NEB: variants seen among roughly 807,000 people sequenced by gnomAD.
The protein encoded by NEB is nemaline myopathy type 2.
A neutral mutation model predicts 952.2 loss-of-function variants in NEB; 512 were observed. That is an observed-to-expected ratio of 0.54 (90% CI 0.50 to 0.58). NEB has a LOEUF of 0.58. NEB is among the 20% of genes least tolerant of loss of function. The pLI is 0.00. For synonymous variants in NEB, 2,900 were observed against 3,149.8 expected (o/e 0.92, Z 2.66); for missense variants, 8,428 against 9,231.1 (o/e 0.91, Z 3.56).
At chr2:151,489,856 T>C (rs944667720) in intron 181 of NEB, 115 bp downstream of exon 181, 84 of 642,858 alleles carry the variant, frequency 1.3e-4, no homozygotes, top group African/African-American at 1.3e-3. Flanking sequence ...TAAAAGAGCA[T>C]TATATAAAAT....
At chr2:151,513,787 C>T in intron 159 of NEB, 94 bp from the exon 160 acceptor site, 3 of 840,506 alleles carry the variant, frequency 3.6e-6, no homozygotes, top group Non-Finnish European at 5.8e-6. Context: ...TAACACGCCA[C>T]CCCAGTTGTC....
At position 151,677,955 on chromosome 2, in the gene NEB, T is replaced by C. The variant is rs199822924; in HGVS notation, c.3488A>G (p.His1163Arg). Residue 1163 changes from histidine to arginine, a missense_variant, in exon 33 of 182, where the codon CAT becomes CGT. Physicochemically the swap from His to Arg is conservative, Grantham distance 29. Around this residue, in one of 11 missense-constraint regions of NEB, gnomAD observed 2,851 missense variants for 2,791.5 expected, o/e 1.02. Transcript: ENST00000397345. ...QDVVSNVNYK[H>R]SLHHYTYLPD... ...CAAGTAGGTGTAATGATGGAGAGAA[T>C]GCTTATAGTTGACATTGCTGACCAC... The C allele has an allele frequency of 3.1e-6, 5 of 1,613,898 alleles. No individual in the cohort carries two copies. In the South Asian group the frequency reaches 5.5e-5, roughly 18 times the overall value.
At chr2:151,601,081 AT>A (rs1245779320) in intron 88 of NEB, among the ~76,000 whole-genome samples, 1 of 103,096 alleles carries the variant, frequency 9.7e-6, no homozygotes, top group Non-Finnish European at 1.9e-5. Flanking sequence ...CTTTGTTGAA[AT>A]TTTTTTTATT....
In NEB at chr2:151,671,175, T is replaced by C. The variant is rs751657802; in HGVS notation, c.4354A>G (p.Ile1452Val). The C allele has an allele frequency of 9.3e-6, 15 of 1,613,838 alleles. No individual in the cohort carries two copies. The highest frequency in any genetic ancestry group is 5.3e-5 in the African/African-American group (4 of 74,916). ...SFLKGIGWIPIGSLEVEKVKK... is the reference protein window; with the variant it reads ...SFLKGIGWIPVGSLEVEKVKK... ...ACCTTCTCCACCTCCAGGGAACCAA[T>C]AGGGATCCATCCGATGCCCTTCAAG... The change falls in exon 38 of 182, where the codon ATT becomes GTT. Residue 1452 changes from isoleucine to valine, a missense_variant. This residue lies in a region of NEB where 2,851 missense variants were observed against 2,791.5 expected (regional missense o/e 1.02). Transcript: ENST00000397345.
At chr2:151,673,732 CTTT>C (rs10716811) in intron 36 of NEB, among the ~76,000 whole-genome samples, 12 of 92,818 alleles carry the variant, frequency 1.3e-4, no homozygotes, top group Admixed American at 2.6e-4. Context: ...TTTTCTTTTT[CTTT>C]TTTTTTTTTT....
chr2:151,541,144 C>T (rs2093999215), intron 136 of NEB, among the ~76,000 whole-genome samples: 2 of 152,114 alleles, frequency 1.3e-5, no homozygotes, highest in African/African-American at 4.8e-5. Flanking sequence ...TGAAATACAG[C>T]TTCGTTTGTC....
chr2:151,546,360 G>A lies in NEB; in HGVS notation c.20451C>T (p.His6817=). The stretch of plus-strand genomic sequence containing the variant: ...GTGCACTCACCCAGAGCTTCCGCAG[G>A]TGCCGGGAGCGGACCATGTCAGGAG... ...YDTPDMVRSR[H]LRKLWSNYLY... The change falls in exon 134 of 182, where the codon CAC becomes CAT. Residue 6817 remains histidine (H), a synonymous_variant. Coordinates refer to ENST00000397345, the MANE Select transcript of NEB (RefSeq NM_001164508.2). 6.2e-7 allele frequency: 1 copy of A among 1,612,440 alleles called. No homozygotes were observed. The highest frequency in any genetic ancestry group is 1.1e-5 in the South Asian group (1 of 90,782).
chr2:151,672,310 C>T (rs1285373127), intron 37 of NEB, 59 bp downstream of exon 37: 7 of 1,434,602 alleles, frequency 4.9e-6, no homozygotes, highest in Middle Eastern at 1.8e-4. Context: ...CTAATAAAAG[C>T]GAGAAGTGAT....
In NEB at chr2:151,694,723, A is replaced by C; in HGVS notation, c.1675-94T>G. On this transcript the variant is annotated intron_variant, in intron 18 of 181. Coordinates refer to ENST00000397345, the MANE Select transcript of NEB (RefSeq NM_001164508.2). Reference sequence around the variant, plus strand: ...GGGTAACTAAATACCTTATCTTAATATAAAATAAATGGGCCCTTTTTATTG... The same window carrying C: ...GGGTAACTAAATACCTTATCTTAATCTAAAATAAATGGGCCCTTTTTATTG... The C allele has an allele frequency of 4.4e-6, 4 of 906,936 alleles. No individual in the cohort carries two copies. In the Admixed American group the frequency reaches 8.9e-5, roughly 20 times the overall value. The allele number at this position is 906,936 out of a possible 1,614,324, so 56.2% of individuals were successfully genotyped here. A position where few individuals can be genotyped will look rare whatever the true frequency, so the allele number is the denominator to read the frequency against.
rs777381307 is a variant in NEB, at chr2:151,677,588, G to C, written c.3751C>G (p.Gln1251Glu). The change falls in exon 34 of 182, where the codon CAG becomes GAG. Residue 1251 changes from glutamine (Q) to glutamate (E), a missense_variant. Gln to Glu is a conservative substitution (Grantham distance 29). Around this residue, in one of 11 missense-constraint regions of NEB, gnomAD observed 2,851 missense variants for 2,791.5 expected, o/e 1.02. Coordinates refer to ENST00000397345, the MANE Select transcript of NEB (RefSeq NM_001164508.2). ...VDSPVMVQAK[Q>E]NTKQVSDILY... ...ACATCACTGACTTGCTTCGTGTTCT[G>C]TTTTGCCTGGACCATAACTGGGGAG... The C allele has an allele frequency of 8.2e-5, 132 of 1,613,680 alleles. No homozygotes were observed. Among genetic ancestry groups the C allele is most frequent in the Non-Finnish European group, 1.1e-4 (130 of 1,179,770 alleles).
At chr2:151,624,612 T>C (rs2098483146) in intron 71 of NEB, among the ~76,000 whole-genome samples, 1 of 152,120 alleles carries the variant, frequency 6.6e-6, no homozygotes, top group Admixed American at 6.5e-5. Context: ...TAAGGCTACA[T>C]TATTATAGGC....
chr2:151,581,756 T>A (rs2097105875), intron 102 of NEB, among the ~76,000 whole-genome samples, 169 bp from the exon 103 acceptor site: 1 of 150,662 alleles, frequency 6.6e-6, no homozygotes, highest in Admixed American at 6.6e-5. Flanking sequence ...AATTTTTAAG[T>A]AAGATTAATA....
chr2:151,691,202 G>T (rs2099547402), intron 23 of NEB, among the ~76,000 whole-genome samples: 1 of 152,030 alleles, frequency 6.6e-6, no homozygotes, highest in African/African-American at 2.4e-5. Flanking sequence ...TTCCTCCCCA[G>T]TAAATTTCAG....
intron 9 of NEB, among the ~76,000 whole-genome samples, chr2:151,722,534 G>A (rs73007985): frequency 6.6e-6 from 1 of 152,070 alleles, no homozygotes; most frequent in Admixed American, 6.5e-5. Flanking sequence ...GTTGTTGTTG[G>A]TGTGGTCATT....
chr2:151,505,841 T>C, intron 164 of NEB: 1 of 539,394 alleles, frequency 1.9e-6, no homozygotes, highest in South Asian at 2.4e-5. Context: ...TATACTCCAA[T>C]GTCTTTATGC....
chr2:151,609,687 C>A, intron 81 of NEB, 122 bp downstream of exon 81: 1 of 841,674 alleles, frequency 1.2e-6, no homozygotes, highest in South Asian at 3.0e-5. Flanking sequence ...AATGGTACCC[C>A]CAGCCCCACC....
In NEB at chr2:151,502,873, C is replaced by A; in HGVS notation, c.23848G>T (p.Glu7950Ter). The change falls in exon 167 of 182, where the codon GAA becomes TAA. Residue 7950 changes from glutamate to a stop codon, truncating the protein, a stop_gained. Coordinates refer to ENST00000397345, the MANE Select transcript of NEB (RefSeq NM_001164508.2). LOFTEE classifies it high-confidence loss of function. ...GTTGGGATTCCTTTCCCCAAATTTT[C>A]TTTGTACAAAACCTGTGAGATACAA... ...QENFSSVLYK[E>*]NLGKGIPTPI... 1.3e-6 allele frequency: 2 copies of A among 1,597,212 alleles called. No individual in the cohort carries two copies. Among genetic ancestry groups the A allele is most frequent in the East Asian group, 2.2e-5 (1 of 44,620 alleles).
rs1220908662 is a variant in NEB, at chr2:151,570,318, CTTG to C, written c.17190_17192del (p.Asn5730del). The C allele has an allele frequency of 4.4e-6, 7 of 1,608,888 alleles. No individual in the cohort carries two copies. Among genetic ancestry groups the C allele is most frequent in the South Asian group, 1.1e-5 (1 of 90,788 alleles). Reference sequence around the variant, plus strand: ...TGTCAGCTATGAGGGCCCAGCGGATCTTGTTGTCATCCCTGGCTGTGAGGGTGC... The same window carrying C: ...TGTCAGCTATGAGGGCCCAGCGGATCTTGTCATCCCTGGCTGTGAGGGTGC... On this transcript the variant is annotated inframe_deletion, in exon 109 of 182. Coordinates refer to ENST00000397345, the MANE Select transcript of NEB (RefSeq NM_001164508.2).
At chr2:151,627,356 T>A (rs2098545896) in intron 69 of NEB, among the ~76,000 whole-genome samples, 151 bp from the exon 70 acceptor site, 1 of 152,214 alleles carries the variant, frequency 6.6e-6, no homozygotes, top group Admixed American at 6.5e-5. Context: ...GTCTCAGGTA[T>A]TACTTTCTTT....
Sources: allele counts gnomAD v4.1 joint callset (sites outside exome capture counted in the v4.1 genomes callset), GRCh38; gene constraint gnomAD v4.1.1; regional missense constraint gnomAD v4.1.1; transcripts MANE v1.5; gene names NCBI Gene and HGNC (gene_info 2026-07-23, HGNC 2026-07-21).